RSRC1: variants seen among roughly 807,000 people sequenced by gnomAD.
RSRC1 encodes arginine and serine rich coiled-coil 1.
In RSRC1, 39 loss-of-function variants were observed where a neutral mutation model predicts 49.1. That is an observed-to-expected ratio of 0.79 (90% confidence interval 0.61 to 1.04). RSRC1 has a LOEUF of 1.04. Among genes scored for constraint, RSRC1 ranks in the 50% least tolerant of loss-of-function variants. The pLI, the probability that RSRC1 is intolerant of heterozygous loss-of-function variation, is 0.00. For synonymous variants in RSRC1, 143 were observed against 130.8 expected (o/e 1.09, Z -0.63); for missense variants, 388 against 402.4 (o/e 0.96, Z 0.31).
chr3:158,137,348 A>G (rs1716440337), intron 3 of RSRC1, among the ~76,000 whole-genome samples: 1 of 151,988 alleles, frequency 6.6e-6, no homozygotes, highest in Admixed American at 6.6e-5. Flanking sequence ...TAAAAGATTC[A>G]GTGATTAATA....
chr3:158,140,408 A>G (rs148039945), intron 3 of RSRC1, among the ~76,000 whole-genome samples: 161 of 152,304 alleles, frequency 1.1e-3, no homozygotes, highest in Non-Finnish European at 1.9e-3. Flanking sequence ...TGTTTCCGAT[A>G]TGCACTCTGC....
At chr3:158,238,362 A>G (rs1048872976) in intron 4 of RSRC1, among the ~76,000 whole-genome samples, 2 of 152,158 alleles carry the variant, frequency 1.3e-5, no homozygotes, top group African/African-American at 2.4e-5. Context: ...ATTGGAAAAA[A>G]CTACTTTAAA....
At chr3:158,179,871 A>G (rs1307950825) in intron 3 of RSRC1, among the ~76,000 whole-genome samples, 1 of 152,106 alleles carries the variant, frequency 6.6e-6, no homozygotes, top group East Asian at 1.9e-4. Flanking sequence ...TGAGCTATCC[A>G]GTTTCTCTGT....
intron 7 of RSRC1, among the ~76,000 whole-genome samples, chr3:158,489,752 G>A (rs1234930315): frequency 1.3e-5 from 2 of 152,018 alleles, no homozygotes; most frequent in Non-Finnish European, 2.9e-5. Flanking sequence ...ACTTTGTTCT[G>A]TAATTGAATA....
intron 6 of RSRC1, among the ~76,000 whole-genome samples, chr3:158,454,626 G>A (rs557361411): frequency 1.3e-5 from 2 of 152,208 alleles, no homozygotes; most frequent in East Asian, 3.9e-4. Context: ...TATTTACAGT[G>A]ATAGTGATTC....
chr3:158,259,968 C>T (rs946957918), intron 4 of RSRC1, among the ~76,000 whole-genome samples: 4 of 151,964 alleles, frequency 2.6e-5, no homozygotes, highest in Non-Finnish European at 5.9e-5. Flanking sequence ...TGTCTCTCTT[C>T]AGGTAAGTTG....
At chr3:158,514,467 C>T (rs1219936720) in intron 7 of RSRC1, among the ~76,000 whole-genome samples, 2 of 152,164 alleles carry the variant, frequency 1.3e-5, no homozygotes, top group East Asian at 1.9e-4. Context: ...TTTGATTGCA[C>T]TGTGGTCTGA....
intron 6 of RSRC1, among the ~76,000 whole-genome samples, chr3:158,404,384 T>TG (rs1257105264): frequency 1.3e-5 from 2 of 151,960 alleles, no homozygotes; most frequent in Admixed American, 1.3e-4. Flanking sequence ...ACACTAGTCA[T>TG]GACAGTAAAG....
rs11388972 is a variant in RSRC1, at chr3:158,137,655, C to CTT, written c.320+13678_320+13679dup. Among the ~76,000 whole-genome samples, 1,006 of 138,436 alleles carry CTT rather than the reference C, an allele frequency of 7.3e-3. 12 individuals carry two copies. Among genetic ancestry groups the CTT allele is most frequent in the African/African-American group, 0.017 (652 of 37,444 alleles). The allele number at this position is 138,436 out of a possible 152,430, so 90.8% of individuals were successfully genotyped here. ...ACAAAATAGGTGACTTTTTCTTTTT[C>CTT]TTTTTTTTTTTTTTTGAGATGGAGT... On this transcript the variant is annotated intron_variant, in intron 3 of 9. Transcript: ENST00000611884.
At chr3:158,112,101 C>T (rs1237053606) in intron 1 of RSRC1, among the ~76,000 whole-genome samples, 2 of 152,152 alleles carry the variant, frequency 1.3e-5, no homozygotes, top group Non-Finnish European at 2.9e-5. Flanking sequence ...GAACAGGAAA[C>T]CAAGAGCTAT....
At chr3:158,432,342 C>T (rs1735808823) in intron 6 of RSRC1, among the ~76,000 whole-genome samples, 1 of 151,880 alleles carries the variant, frequency 6.6e-6, no homozygotes, top group South Asian at 2.1e-4. Context: ...TGAAAATAAG[C>T]ATTAAGTGAT....
intron 4 of RSRC1, among the ~76,000 whole-genome samples, chr3:158,255,815 G>A (rs564834757): frequency 6.6e-6 from 1 of 152,204 alleles, no homozygotes; most frequent in Admixed American, 6.5e-5. Flanking sequence ...TCTCTTTGTA[G>A]CAATTGTGAA....
intron 4 of RSRC1, among the ~76,000 whole-genome samples, chr3:158,245,896 C>G (rs888063875): frequency 1.4e-4 from 22 of 152,140 alleles, no homozygotes; most frequent in Non-Finnish European, 2.9e-4. Context: ...TTGCTGTTTT[C>G]CATTTGCTTG....
intron 3 of RSRC1, among the ~76,000 whole-genome samples, chr3:158,197,232 G>A (rs953177901): frequency 1.3e-5 from 2 of 152,134 alleles, no homozygotes; most frequent in African/African-American, 2.4e-5. Flanking sequence ...AGTCTTGGGA[G>A]GGTGTATGTG....
intron 5 of RSRC1, among the ~76,000 whole-genome samples, chr3:158,318,765 C>T (rs1378320759): frequency 1.3e-5 from 2 of 152,198 alleles, no homozygotes; most frequent in Non-Finnish European, 2.9e-5. Flanking sequence ...ACCTCTCTCC[C>T]TGTTTACATT....
chr3:158,228,323 C>A (rs528446652), intron 4 of RSRC1, among the ~76,000 whole-genome samples: 17 of 151,770 alleles, frequency 1.1e-4, no homozygotes, highest in Non-Finnish European at 1.9e-4. Flanking sequence ...AATTTCAGGC[C>A]CTCTTTTTCT....
chr3:158,506,288 T>A (rs918756750), intron 7 of RSRC1, among the ~76,000 whole-genome samples: 3 of 152,080 alleles, frequency 2.0e-5, no homozygotes, highest in African/African-American at 7.2e-5. Context: ...CCATTAAAAA[T>A]CAGCTAAAAG....
In RSRC1 at chr3:158,518,095, C is replaced by CGTGT. The variant is rs1263691994; in HGVS notation, c.653-18968_653-18965dup. ...TTATGCATATGTACGTAAGTGCGTGCGTGTGTGTGTGTGTGTGTGTGTGTG... is the reference window on the plus strand; with the variant it reads ...TTATGCATATGTACGTAAGTGCGTGCGTGTGTGTGTGTGTGTGTGTGTGTGTGTG... On this transcript the variant is annotated intron_variant, in intron 7 of 9. Transcript: ENST00000611884. Among the ~76,000 whole-genome samples the CGTGT allele has an allele frequency of 2.7e-3, 212 of 77,362 alleles. 1 individual carries two copies. Among genetic ancestry groups the CGTGT allele is most frequent in the East Asian group, 6.8e-3 (22 of 3,220 alleles). The allele number at this position is 77,362 out of a possible 152,430, so 50.8% of individuals were successfully genotyped here.
rs146519957 is a variant in RSRC1, at chr3:158,120,814, A to G, written c.-2-1289A>G. ...TTGAATAAATATTAAAGATGATGTG[A>G]GCTTTTATTTATCCTAAGTGATTAC... is the stretch of plus-strand genomic sequence containing the variant. On this transcript the variant is annotated intron_variant, in intron 1 of 9. Coordinates refer to ENST00000611884, the MANE Select transcript of RSRC1 (RefSeq NM_001271838.2). 2.8e-3 allele frequency among the ~76,000 whole-genome samples: 429 copies of G among 150,698 alleles called. 2 individuals carry two copies. The highest frequency in any genetic ancestry group is 1.0e-2 in the African/African-American group (412 of 41,362).
Sources: allele counts gnomAD v4.1 joint callset (sites outside exome capture counted in the v4.1 genomes callset), GRCh38; gene constraint gnomAD v4.1.1; transcripts MANE v1.5; gene names NCBI Gene and HGNC (gene_info 2026-07-23, HGNC 2026-07-21).